The following MALRD1 variants were observed in gnomAD, a reference collection of about 807,000 sequenced individuals.
MALRD1 encodes MAM and LDL receptor class A domain containing 1, also known as MAM and LDL-receptor class A domain-containing protein 1.
A neutral mutation model predicts 242.1 loss-of-function variants in MALRD1; 247 were observed. That is an observed-to-expected ratio of 1.02 (90% CI 0.92 to 1.13). The LOEUF (loss-of-function observed/expected upper bound fraction) is 1.13. Among genes scored for constraint, MALRD1 ranks in the 50% most tolerant of loss-of-function variants. MALRD1 has a pLI of 0.00. For synonymous variants in MALRD1, 995 were observed against 866.6 expected (o/e 1.15, Z -2.60); for missense variants, 2,989 against 2,533.1 (o/e 1.18, Z -3.86).
chr10:19,213,361 G>A (rs1422952817), intron 18 of MALRD1, among the ~76,000 whole-genome samples: 1 of 152,186 alleles, frequency 6.6e-6, no homozygotes, highest in African/African-American at 2.4e-5. Context: ...AGCCTACCAT[G>A]TAGCTGGGAC....
chr10:19,417,447 G>T lies in MALRD1; in HGVS notation c.4845+27838G>T, dbSNP rs182541347. Among the ~76,000 whole-genome samples the T allele has an allele frequency of 6.6e-5, 10 of 152,164 alleles. 1 individual carries two copies. Among genetic ancestry groups the T allele is most frequent in the South Asian group, 6.2e-4 (3 of 4,826 alleles). ...AATAGCATTTTGTATTTTTCAACTT[G>T]TTATGACATATACCAGGAGAGGGGA... On this transcript the variant is annotated intron_variant, in intron 28 of 39. Transcript: ENST00000454679.
At chr10:19,238,528 TATAC>T (rs1838574141) in intron 18 of MALRD1, among the ~76,000 whole-genome samples, 1 of 92,730 alleles carries the variant, frequency 1.1e-5, no homozygotes, top group Non-Finnish European at 2.0e-5. Context: ...TTATATATAA[TATAC>T]ATTATATATA....
At chr10:19,725,549 C>T (rs1834983582) in intron 38 of MALRD1, among the ~76,000 whole-genome samples, 1 of 152,160 alleles carries the variant, frequency 6.6e-6, no homozygotes, top group African/African-American at 2.4e-5. Flanking sequence ...CCTGCAGATT[C>T]AAGGCAATCT....
At chr10:19,342,882 C>T (rs1168195991) in intron 24 of MALRD1, among the ~76,000 whole-genome samples, 1 of 151,858 alleles carries the variant, frequency 6.6e-6, no homozygotes, top group Non-Finnish European at 1.5e-5. Context: ...ATAATATTTT[C>T]CAGATTATAA....
At chr10:19,439,431 G>A (rs746712984) in intron 28 of MALRD1, among the ~76,000 whole-genome samples, 3 of 152,034 alleles carry the variant, frequency 2.0e-5, no homozygotes, top group Non-Finnish European at 4.4e-5. Context: ...CCTGATGGTG[G>A]GAGGCTGAGG....
intron 34 of MALRD1, among the ~76,000 whole-genome samples, chr10:19,595,952 A>G (rs949866885): frequency 6.6e-6 from 1 of 152,198 alleles, no homozygotes; most frequent in Non-Finnish European, 1.5e-5. Flanking sequence ...AGTTCATGGG[A>G]TAATGCATCC....
At chr10:19,557,797 GT>G (rs1554799851) in intron 32 of MALRD1, among the ~76,000 whole-genome samples, 1 of 152,060 alleles carries the variant, frequency 6.6e-6, no homozygotes, top group Non-Finnish European at 1.5e-5. Context: ...GAGCCTCTCA[GT>G]ATCCTCAAAA....
At chr10:19,315,945 A>T (rs1337078580) in intron 21 of MALRD1, among the ~76,000 whole-genome samples, 1 of 150,166 alleles carries the variant, frequency 6.7e-6, no homozygotes. Context: ...TACTAAATTC[A>T]TATACCTATG....
intron 33 of MALRD1, among the ~76,000 whole-genome samples, chr10:19,588,510 TGTA>T (rs1837566298): frequency 6.6e-6 from 1 of 152,220 alleles, no homozygotes; most frequent in Non-Finnish European, 1.5e-5. Context: ...AAGTTGCTGT[TGTA>T]GTGATGCAAT....
chr10:19,087,494 G>C, intron 2 of MALRD1, among the ~76,000 whole-genome samples: 1 of 150,818 alleles, frequency 6.6e-6, no homozygotes, highest in Non-Finnish European at 1.5e-5. Context: ...ATTATCACTT[G>C]GCGCCTTAAA....
chr10:19,101,631 C>A (rs1344668619), intron 4 of MALRD1, among the ~76,000 whole-genome samples: 4 of 131,062 alleles, frequency 3.1e-5, no homozygotes, highest in African/African-American at 8.5e-5. Context: ...TATACATATG[C>A]AAAATATATA....
chr10:19,648,858 C>A (rs752642643), intron 36 of MALRD1, among the ~76,000 whole-genome samples: 6 of 152,160 alleles, frequency 3.9e-5, no homozygotes, highest in Non-Finnish European at 8.8e-5. Flanking sequence ...AAGACCAGTA[C>A]CCAATAGTTA....
chr10:19,245,582 G>C (rs1839010498), intron 18 of MALRD1, among the ~76,000 whole-genome samples: 1 of 152,102 alleles, frequency 6.6e-6, no homozygotes, highest in South Asian at 2.1e-4. Context: ...AAATATCTCA[G>C]TTATCAGGCA....
chr10:19,707,233 T>G (rs755242365), intron 38 of MALRD1, among the ~76,000 whole-genome samples: 3 of 152,174 alleles, frequency 2.0e-5, no homozygotes, highest in Non-Finnish European at 2.9e-5. Flanking sequence ...CTCCTTCTCC[T>G]CCTTCTCCTT....
intron 32 of MALRD1, among the ~76,000 whole-genome samples, chr10:19,557,567 C>G (rs1835780359): frequency 6.6e-6 from 1 of 151,984 alleles, no homozygotes; most frequent in Non-Finnish European, 1.5e-5. Context: ...GATTCCTTGT[C>G]AAATATCAGT....
chr10:19,577,421 A>G (rs1836883689), intron 33 of MALRD1, among the ~76,000 whole-genome samples: 2 of 152,192 alleles, frequency 1.3e-5, no homozygotes, highest in Non-Finnish European at 2.9e-5. Flanking sequence ...AGGCAGGCTT[A>G]AGGGAGTAAA....
intron 21 of MALRD1, among the ~76,000 whole-genome samples, chr10:19,319,351 C>G (rs957549689): frequency 1.3e-5 from 2 of 152,088 alleles, no homozygotes; most frequent in Non-Finnish European, 2.9e-5. Context: ...TCATGGCTAA[C>G]TAACTTATTC....
intron 33 of MALRD1, among the ~76,000 whole-genome samples, chr10:19,587,733 G>C (rs1319270153): frequency 6.6e-6 from 1 of 152,144 alleles, no homozygotes; most frequent in East Asian, 1.9e-4. Context: ...AAGTGAAGTG[G>C]AGTATGGTAA....
At chr10:19,128,060 T>C (rs983098340) in intron 7 of MALRD1, among the ~76,000 whole-genome samples, 161 bp from the exon 8 acceptor site, 2 of 152,198 alleles carry the variant, frequency 1.3e-5, no homozygotes, top group Non-Finnish European at 2.9e-5. Context: ...GAAAACCTGT[T>C]ATTTGTAGTT....
Sources: allele counts gnomAD v4.1 joint callset (sites outside exome capture counted in the v4.1 genomes callset), GRCh38; gene constraint gnomAD v4.1.1; transcripts MANE v1.5; gene names NCBI Gene and HGNC (gene_info 2026-07-23, HGNC 2026-07-21).